Variants in CMSS1 observed in about 807,000 individuals in gnomAD.
CMSS1 encodes protein CMSS1.
In CMSS1, 33 loss-of-function variants were observed where a neutral mutation model predicts 43.5. The ratio of observed to expected loss-of-function variants is 0.76; its 90% CI spans 0.57 to 1.01. The LOEUF is 1.01. CMSS1 is among the 50% of genes least tolerant of loss of function. CMSS1 has a pLI of 0.00. For missense variants in CMSS1, 313 were observed against 326.4 expected (o/e 0.96, Z 0.32); for synonymous variants, 115 against 117.2 (o/e 0.98, Z 0.12).
At chr3:99,844,344 C>T (rs769581246) in intron 1 of CMSS1, among the ~76,000 whole-genome samples, 11 of 152,126 alleles carry the variant, frequency 7.2e-5, no homozygotes, top group East Asian at 1.9e-4. Flanking sequence ...CTCTGAGATA[C>T]GCTGATCTAT....
chr3:99,967,466 A>G (rs1708687984), intron 1 of CMSS1, among the ~76,000 whole-genome samples: 1 of 152,202 alleles, frequency 6.6e-6, no homozygotes, highest in Non-Finnish European at 1.5e-5. Context: ...AGGAAGAAAT[A>G]TGGTACATAG....
At chr3:99,870,293 T>A (rs972967794) in intron 1 of CMSS1, among the ~76,000 whole-genome samples, 1 of 152,204 alleles carries the variant, frequency 6.6e-6, no homozygotes, top group Non-Finnish European at 1.5e-5. Context: ...TCTTTTAGTC[T>A]CACCGTTGAG....
intron 1 of CMSS1, among the ~76,000 whole-genome samples, chr3:100,111,715 TC>T (rs2066494237): frequency 6.6e-6 from 1 of 152,200 alleles, no homozygotes; most frequent in African/African-American, 2.4e-5. Flanking sequence ...GTCTTAGACT[TC>T]CTGTCTGACC....
At chr3:99,853,140 G>T (rs937536461) in intron 1 of CMSS1, among the ~76,000 whole-genome samples, 3 of 152,134 alleles carry the variant, frequency 2.0e-5, no homozygotes, top group Admixed American at 6.5e-5. Flanking sequence ...AATGGTCATG[G>T]GACTTCTCAA....
At position 99,839,261 on chromosome 3, in the gene CMSS1, G is replaced by T. The variant is rs545781133; in HGVS notation, c.64+21218G>T. ...TGTTGAGCTCTTAGTTACCTTTTAA[G>T]CTACCCCTTAACTCCCACCTTTTAT... is the stretch of plus-strand genomic sequence containing the variant. On this transcript the variant is annotated intron_variant, in intron 1 of 9. Coordinates refer to ENST00000421999, the MANE Select transcript of CMSS1 (RefSeq NM_032359.4). 2.0e-5 allele frequency among the ~76,000 whole-genome samples: 3 copies of T among 152,214 alleles called. No individual in the cohort carries two copies. The South Asian group carries it at 6.2e-4, about 32-fold the overall frequency.
At chr3:99,870,610 T>C (rs1384099637) in intron 1 of CMSS1, among the ~76,000 whole-genome samples, 1 of 152,214 alleles carries the variant, frequency 6.6e-6, no homozygotes, top group Non-Finnish European at 1.5e-5. Flanking sequence ...GTGAACTTAG[T>C]TGCTGGGCCT....
intron 1 of CMSS1, among the ~76,000 whole-genome samples, chr3:100,072,698 C>T (rs1471824420): frequency 6.6e-6 from 1 of 152,164 alleles, no homozygotes; most frequent in Non-Finnish European, 1.5e-5. Flanking sequence ...AGCTGAAATA[C>T]AGATTATCTA....
At chr3:100,105,299 G>A (rs955003666) in intron 1 of CMSS1, among the ~76,000 whole-genome samples, 1 of 152,114 alleles carries the variant, frequency 6.6e-6, no homozygotes, top group African/African-American at 2.4e-5. Context: ...GCAATATTTA[G>A]TTTGTTAAGT....
intron 1 of CMSS1, among the ~76,000 whole-genome samples, chr3:99,927,456 G>A (rs985142359): frequency 6.6e-6 from 1 of 150,660 alleles, no homozygotes; most frequent in African/African-American, 2.4e-5. Flanking sequence ...CGCGATCTCC[G>A]CCTCCTGGGT....
At chr3:99,924,047 CA>C (rs1707208981) in intron 1 of CMSS1, among the ~76,000 whole-genome samples, 1 of 152,240 alleles carries the variant, frequency 6.6e-6, no homozygotes, top group South Asian at 2.1e-4. Flanking sequence ...GTCCTTATCA[CA>C]CATCTGGTTA....
intron 1 of CMSS1, among the ~76,000 whole-genome samples, chr3:99,989,304 C>T (rs2107125429): frequency 6.6e-6 from 1 of 152,292 alleles, no homozygotes; most frequent in East Asian, 1.9e-4. Context: ...CTCTTGACTG[C>T]ATGTCTAGGA....
intron 1 of CMSS1, among the ~76,000 whole-genome samples, chr3:99,964,949 G>T (rs1186087568): frequency 6.6e-6 from 1 of 152,126 alleles, no homozygotes; most frequent in Non-Finnish European, 1.5e-5. Flanking sequence ...TATAAAAATT[G>T]TTCTTCAAAC....
At chr3:100,145,758 T>A (rs1193913846) in intron 1 of CMSS1, among the ~76,000 whole-genome samples, 1 of 152,244 alleles carries the variant, frequency 6.6e-6, no homozygotes, top group Non-Finnish European at 1.5e-5. Context: ...AATTCTCCCT[T>A]ACTCAAGGAT....
intron 1 of CMSS1, among the ~76,000 whole-genome samples, chr3:100,106,253 G>A (rs2066393682): frequency 6.6e-6 from 1 of 152,136 alleles, no homozygotes; most frequent in Non-Finnish European, 1.5e-5. Context: ...GCTTCCAGCT[G>A]TGGAATACTC....
chr3:100,132,819 A>C (rs907796142), intron 1 of CMSS1, among the ~76,000 whole-genome samples: 4 of 123,138 alleles, frequency 3.2e-5, no homozygotes, highest in East Asian at 2.2e-4. Context: ...ACTCCATCCC[A>C]AAAAAAAAAA....
At chr3:99,863,861 C>G (rs969075683) in intron 1 of CMSS1, among the ~76,000 whole-genome samples, 3 of 152,162 alleles carry the variant, frequency 2.0e-5, no homozygotes, top group African/African-American at 7.2e-5. Context: ...TTCTTATGCT[C>G]TCCCCTTTTT....
At chr3:100,010,612 CTTT>C (rs71625546) in intron 1 of CMSS1, among the ~76,000 whole-genome samples, 1 of 141,466 alleles carries the variant, frequency 7.1e-6, no homozygotes, top group Non-Finnish European at 1.5e-5. Context: ...GTTTTTCTTT[CTTT>C]TTTTTTTTTT....
intron 1 of CMSS1, among the ~76,000 whole-genome samples, chr3:100,083,531 G>A (rs2065962434): frequency 6.6e-6 from 1 of 152,196 alleles, no homozygotes; most frequent in African/African-American, 2.4e-5. Context: ...TAATCATTGT[G>A]ACATTTTCCC....
At chr3:99,902,879 G>GA (rs1237630370) in intron 1 of CMSS1, among the ~76,000 whole-genome samples, 3 of 151,928 alleles carry the variant, frequency 2.0e-5, no homozygotes, top group South Asian at 2.1e-4. Flanking sequence ...GATTAAAGAG[G>GA]AAAAAAATCT....
Sources: gnomAD v4.1 joint callset for allele counts (sites outside exome capture counted in the v4.1 genomes callset) on GRCh38, gnomAD v4.1.1 for gene constraint, MANE v1.5 for transcripts, NCBI Gene and HGNC (gene_info 2026-07-23, HGNC 2026-07-21) for gene names.